The following CDH8 variants were observed in gnomAD, a reference collection of about 807,000 sequenced individuals.
CDH8 encodes the protein cadherin-8.
CDH8 carries 17 observed loss-of-function variants against 68.1 expected under a neutral mutation model. The ratio of observed to expected loss-of-function variants is 0.25; its 90% CI spans 0.17 to 0.37. The LOEUF (loss-of-function observed/expected upper bound fraction) is 0.37, where lower values mean the gene tolerates loss of function less well. CDH8 is among the 10% of genes least tolerant of loss of function. CDH8 has a pLI of 1.00. For missense variants in CDH8, 763 were observed against 999.3 expected, an observed-to-expected ratio of 0.76 and a Z score of 3.19; for synonymous variants, 372 against 365.1, an observed-to-expected ratio of 1.02 and a Z score of -0.21.
chr16:61,672,202 T>C (rs1224486893), intron 10 of CDH8, among the ~76,000 whole-genome samples: 1 of 152,074 alleles, frequency 6.6e-6, no homozygotes, highest in Non-Finnish European at 1.5e-5. Flanking sequence ...CATCAAATTC[T>C]TCACACTTTA....
intron 5 of CDH8, 118 bp downstream of exon 5, chr16:61,824,894 A>C: frequency 1.2e-6 from 1 of 813,372 alleles, no homozygotes; most frequent in South Asian, 1.7e-5. Context: ...CATACCTGGC[A>C]CATAATAAGC....
chr16:61,972,059 G>A (rs1430685156), intron 2 of CDH8, among the ~76,000 whole-genome samples: 1 of 151,998 alleles, frequency 6.6e-6, no homozygotes, highest in African/African-American at 2.4e-5. Flanking sequence ...GTCAGGGTGG[G>A]GCCAGGTGGA....
intron 10 of CDH8, among the ~76,000 whole-genome samples, chr16:61,709,111 G>A (rs1352817439): frequency 6.6e-6 from 1 of 152,040 alleles, no homozygotes; most frequent in Non-Finnish European, 1.5e-5. Context: ...CTAAGGGTAT[G>A]GATGTTTTTA....
chr16:61,877,308 A>AG (rs976411879), intron 3 of CDH8, among the ~76,000 whole-genome samples: 25 of 152,048 alleles, frequency 1.6e-4, no homozygotes, highest in African/African-American at 6.0e-4. Flanking sequence ...AATTATTTAA[A>AG]AAAAAAAAGA....
At chr16:61,763,110 T>C (rs1263268571) in intron 8 of CDH8, among the ~76,000 whole-genome samples, 5 of 152,094 alleles carry the variant, frequency 3.3e-5, no homozygotes, top group Non-Finnish European at 7.4e-5. Context: ...TTGCATAGGA[T>C]GTAAAAGAAC....
chr16:61,837,771 C>A (rs924255004), intron 4 of CDH8, among the ~76,000 whole-genome samples: 1 of 151,998 alleles, frequency 6.6e-6, no homozygotes, highest in Non-Finnish European at 1.5e-5. Flanking sequence ...CGCACATAGA[C>A]CACATTTTAA....
chr16:61,654,099 T>C lies in CDH8; in HGVS notation c.1909A>G (p.Ile637Val). 6.2e-7 allele frequency: 1 copy of C among 1,608,006 alleles called. No homozygotes were observed. Among genetic ancestry groups the C allele is most frequent in the Non-Finnish European group, 8.5e-7 (1 of 1,176,990 alleles). ...ILACIILLLV[I>V]VVLFVTLRRH... ...CGTAGAGTTACAAACAGCACCACGA[T>C]GACTAGAGGAAAAATATTAAATAAC... Residue 637 changes from isoleucine to valine, a missense_variant and splice_region_variant, in exon 12 of 12, where the codon ATC (isoleucine) becomes GTC (valine). Around this residue, in one of 2 missense-constraint regions of CDH8, gnomAD observed 397 missense variants for 436.2 expected, o/e 0.91. Coordinates refer to ENST00000577390, the MANE Select transcript of CDH8 (RefSeq NM_001796.5).
intron 1 of CDH8, among the ~76,000 whole-genome samples, chr16:62,035,539 C>G: frequency 6.6e-6 from 1 of 152,162 alleles, no homozygotes; most frequent in Admixed American, 6.5e-5. Flanking sequence ...CGCAGCTGAG[C>G]CTTGGCCCGC....
chr16:61,918,976 G>A (rs1000522580), intron 2 of CDH8, among the ~76,000 whole-genome samples: 6 of 147,648 alleles, frequency 4.1e-5, no homozygotes, highest in Non-Finnish European at 8.9e-5. Flanking sequence ...TCTGAGAACC[G>A]GCAGACTGCC....
At chr16:61,723,201 A>T (rs1380159484) in intron 9 of CDH8, among the ~76,000 whole-genome samples, 3 of 150,744 alleles carry the variant, frequency 2.0e-5, no homozygotes, top group African/African-American at 7.3e-5. Flanking sequence ...CCTACTAAGG[A>T]GGTAAGAGTT....
intron 3 of CDH8, among the ~76,000 whole-genome samples, chr16:61,881,477 G>A (rs1963576178): frequency 6.6e-6 from 1 of 152,174 alleles, no homozygotes; most frequent in African/African-American, 2.4e-5. Context: ...TCAATCCTTT[G>A]TTTTAAACAG....
rs75860646 is a variant in CDH8, at chr16:62,003,580, C to T, written c.252+17572G>A. Reference sequence around the variant, plus strand: ...ACTCTTAGATGGCTCAAAAGAAAGACGATCCTTCCGACTTGTGTCCTTCCA... The same window carrying T: ...ACTCTTAGATGGCTCAAAAGAAAGATGATCCTTCCGACTTGTGTCCTTCCA... On this transcript the variant is annotated intron_variant, in intron 2 of 11. Transcript: ENST00000577390. Among the ~76,000 whole-genome samples the T allele has an allele frequency of 4.4e-3, 671 of 152,120 alleles. 1 individual carries two copies. The highest frequency in any genetic ancestry group is 0.014 in the African/African-American group (594 of 41,460).
chr16:62,007,848 G>A (rs1012594640), intron 2 of CDH8, among the ~76,000 whole-genome samples: 4 of 151,688 alleles, frequency 2.6e-5, no homozygotes, highest in Non-Finnish European at 4.4e-5. Flanking sequence ...TCTCTCATTG[G>A]TTTTGATCCT....
intron 4 of CDH8, among the ~76,000 whole-genome samples, chr16:61,837,315 A>G (rs1023817239): frequency 1.3e-5 from 2 of 151,858 alleles, no homozygotes; most frequent in Non-Finnish European, 2.9e-5. Context: ...ATGTTTTCAT[A>G]TTTTCCAAAA....
At chr16:61,663,411 A>G (rs917742646) in intron 10 of CDH8, among the ~76,000 whole-genome samples, 1 of 152,010 alleles carries the variant, frequency 6.6e-6, no homozygotes, top group Non-Finnish European at 1.5e-5. Context: ...TTAATCCTTT[A>G]TAATGTTTAT....
At chr16:61,888,129 A>G (rs1048148145) in intron 3 of CDH8, among the ~76,000 whole-genome samples, 1 of 152,180 alleles carries the variant, frequency 6.6e-6, no homozygotes, top group Non-Finnish European at 1.5e-5. Flanking sequence ...CCATGTTGGC[A>G]TGCAGCAACA....
intron 3 of CDH8, among the ~76,000 whole-genome samples, chr16:61,879,599 T>C (rs1451053703): frequency 2.0e-5 from 3 of 152,220 alleles, no homozygotes; most frequent in Non-Finnish European, 2.9e-5. Flanking sequence ...TGGTCTTGGC[T>C]GAACCTCTTT....
chr16:61,917,974 T>A (rs866263688), intron 2 of CDH8, among the ~76,000 whole-genome samples: 1,753 of 127,560 alleles, frequency 0.014, 39 homozygotes, highest in African/African-American at 0.046. Flanking sequence ...TTTGCTTTTT[T>A]TTTTTTTTTT....
intron 2 of CDH8, among the ~76,000 whole-genome samples, chr16:61,973,106 A>G (rs1003778055): frequency 1.3e-5 from 2 of 152,042 alleles, no homozygotes; most frequent in Non-Finnish European, 2.9e-5. Context: ...TTTTTCAATA[A>G]ATGTTTCACC....
Sources: allele counts gnomAD v4.1 joint callset (sites outside exome capture counted in the v4.1 genomes callset), GRCh38; gene constraint gnomAD v4.1.1; regional missense constraint gnomAD v4.1.1; transcripts MANE v1.5; gene names NCBI Gene and HGNC (gene_info 2026-07-23, HGNC 2026-07-21).